Variants in PPP1R37 observed in about 807,000 individuals in gnomAD.
The protein encoded by PPP1R37 is protein phosphatase 1 regulatory subunit 37, also known as leucine rich repeat containing 68.
In PPP1R37, 21 loss-of-function variants were observed where a neutral mutation model predicts 61.0. That is an observed-to-expected ratio of 0.34 (90% CI 0.24 to 0.50). The LOEUF (loss-of-function observed/expected upper bound fraction) is 0.50. Ranked by LOEUF, PPP1R37 falls within the 20% of genes least tolerant of loss-of-function variation. The pLI, the probability that PPP1R37 is intolerant of heterozygous loss-of-function variation, is 0.98. For missense variants in PPP1R37, 910 were observed against 952.7 expected (o/e 0.96, Z 0.59); for synonymous variants, 443 against 433.5 (o/e 1.02, Z -0.27).
intron 1 of PPP1R37, among the ~76,000 whole-genome samples, chr19:45,098,798 C>A (rs574790936): frequency 6.6e-6 from 1 of 152,232 alleles, no homozygotes; most frequent in South Asian, 2.1e-4. Flanking sequence ...AGAGAATCGG[C>A]TTGCTTCAGC....
At chr19:45,143,482 C>G in intron 7 of PPP1R37, 39 bp from the exon 8 acceptor site, 1 of 1,315,774 alleles carries the variant, frequency 7.6e-7, no homozygotes, top group Non-Finnish European at 1.1e-6. Context: ...AGGAAGCACC[C>G]GGACCCCAGA....
chr19:45,106,382 T>C (rs111815828), intron 1 of PPP1R37, among the ~76,000 whole-genome samples: 21,692 of 151,720 alleles, frequency 0.14, 1,722 homozygotes, highest in Non-Finnish European at 0.17. Context: ...GCTGGGATTA[T>C]AGGCATGCGC....
chr19:45,138,124 AAAAC>A (rs1968561764), intron 1 of PPP1R37, among the ~76,000 whole-genome samples: 1 of 152,192 alleles, frequency 6.6e-6, no homozygotes, highest in Non-Finnish European at 1.5e-5. Flanking sequence ...CCCTGTCTCA[AAAAC>A]AAACAAAACA....
intron 8 of PPP1R37, 186 bp downstream of exon 8, chr19:45,143,819 C>G (rs899679134): frequency 4.4e-5 from 22 of 499,008 alleles, no homozygotes; most frequent in Non-Finnish European, 4.3e-5. Flanking sequence ...TGAGGAGGAG[C>G]CCTTCTTTCA....
At chr19:45,097,437 G>A (rs1437600949) in intron 1 of PPP1R37, among the ~76,000 whole-genome samples, 2 of 151,914 alleles carry the variant, frequency 1.3e-5, no homozygotes, top group African/African-American at 4.8e-5. Flanking sequence ...AGCACTGGGG[G>A]CACCCCAGTG....
intron 1 of PPP1R37, among the ~76,000 whole-genome samples, chr19:45,136,606 A>G (rs1205855448): frequency 6.6e-6 from 1 of 152,124 alleles, no homozygotes; most frequent in East Asian, 1.9e-4. Flanking sequence ...TCTGTCTGCA[A>G]GAGGGGCACC....
At chr19:45,094,448 C>T (rs530513153) in intron 1 of PPP1R37, among the ~76,000 whole-genome samples, 1 of 151,644 alleles carries the variant, frequency 6.6e-6, no homozygotes, top group South Asian at 2.1e-4. Flanking sequence ...GGGGGATGGC[C>T]GGGTGCATTG....
intron 1 of PPP1R37, among the ~76,000 whole-genome samples, chr19:45,102,390 C>T (rs545309003): frequency 6.6e-6 from 1 of 152,340 alleles, no homozygotes; most frequent in Admixed American, 6.5e-5. Flanking sequence ...CCCAGCTCTG[C>T]CCTTGGGCAA....
At position 45,145,730 on chromosome 19, in the gene PPP1R37, C is replaced by T. The variant is rs915122663; in HGVS notation, c.1674C>T (p.Ser558=). The change falls in exon 11 of 13, where the codon TCC becomes TCT. Residue 558 remains serine, a synonymous_variant. Transcript: ENST00000221462. ...CCACACCCACCGAGCAGCGGATTTC[C>T]GTGTCCAGCCCGGGCCGGGGCCACA... The part of the protein sequence containing the change: ...SPSTPTEQRI[S]VSSPGRGHKV... 27 of 1,532,678 alleles carry T rather than the reference C, an allele frequency of 1.8e-5. No homozygotes were observed. The highest frequency in any genetic ancestry group is 7.3e-5 in the East Asian group (3 of 40,880). The allele number at this position is 1,532,678 out of a possible 1,614,324, so 94.9% of individuals were successfully genotyped here. A position where few individuals can be genotyped will look rare whatever the true frequency, so the allele number is the denominator to read the frequency against.
intron 1 of PPP1R37, among the ~76,000 whole-genome samples, chr19:45,120,041 G>A (rs1417265352): frequency 2.0e-5 from 2 of 101,884 alleles, no homozygotes; most frequent in East Asian, 2.4e-4. Flanking sequence ...TTTTTGAGAT[G>A]GAGTCTCACT....
At chr19:45,107,154 T>C (rs1219990172) in intron 1 of PPP1R37, among the ~76,000 whole-genome samples, 1 of 152,004 alleles carries the variant, frequency 6.6e-6, no homozygotes, top group Non-Finnish European at 1.5e-5. Context: ...TGAACACTTG[T>C]GTATCTTCTT....
At chr19:45,139,576 G>A (rs192544379) in intron 2 of PPP1R37, among the ~76,000 whole-genome samples, 1 of 152,306 alleles carries the variant, frequency 6.6e-6, no homozygotes, top group African/African-American at 2.4e-5. Flanking sequence ...CAGCTGTGCT[G>A]GAAGCAACCA....
intron 1 of PPP1R37, among the ~76,000 whole-genome samples, chr19:45,095,868 C>T (rs1268984844): frequency 2.0e-5 from 3 of 152,056 alleles, no homozygotes; most frequent in Admixed American, 6.5e-5. Flanking sequence ...GTCAGAATGC[C>T]CCCTGGCTAT....
chr19:45,099,117 C>G (rs1038022815), intron 1 of PPP1R37, among the ~76,000 whole-genome samples: 8 of 152,140 alleles, frequency 5.3e-5, no homozygotes, highest in Non-Finnish European at 1.2e-4. Context: ...TCCTCTGCCC[C>G]CACCTATAGC....
intron 1 of PPP1R37, among the ~76,000 whole-genome samples, chr19:45,105,823 C>T (rs758594198): frequency 9.2e-5 from 14 of 152,206 alleles, no homozygotes; most frequent in Non-Finnish European, 1.5e-4. Context: ...GGGGCTTTCT[C>T]GGTCCCTGCT....
rs1202177230 is a variant in PPP1R37, at chr19:45,116,635, G to A, written c.203-21879G>A. On this transcript the variant is annotated intron_variant, in intron 1 of 12. Coordinates refer to ENST00000221462, the MANE Select transcript of PPP1R37 (RefSeq NM_019121.2). The stretch of plus-strand genomic sequence containing the variant: ...TTGCGGGCTCCCTTCCCTCCAGCCC[G>A]TGGTTCTCTGGGGAGAAGGGAAGGG... 3.9e-5 allele frequency among the ~76,000 whole-genome samples: 6 copies of A among 152,220 alleles called. No homozygotes were observed. The East Asian group carries it at 5.8e-4, about 15-fold the overall frequency.
Position 45,138,586 on chromosome 19 carries a change from T to A in PPP1R37, c.275T>A (p.Ile92Asn). Reference sequence around the variant, plus strand: ...TGCCAGAAGCTGAACTGCAGGCAGATCCCCAAGCTCCTCAGGCAGCTGCAG... The same window carrying A: ...TGCCAGAAGCTGAACTGCAGGCAGAACCCCAAGCTCCTCAGGCAGCTGCAG... ...QACQKLNCRQ[I>N]PKLLRQLQEF... Residue 92 changes from isoleucine to asparagine, a missense_variant, in exon 2 of 13, where the codon ATC becomes AAC. Physicochemically the swap from Ile to Asn is moderately radical, Grantham distance 149. This residue lies in a region of PPP1R37 where 280 missense variants were observed against 382.2 expected (regional missense o/e 0.73). Transcript: ENST00000221462. 2.6e-6 allele frequency: 3 copies of A among 1,158,550 alleles called. No individual in the cohort carries two copies. 71.8% of individuals were successfully genotyped at this position (1,158,550 alleles called of 1,614,324 possible). A position where few individuals can be genotyped will look rare whatever the true frequency, so the allele number is the denominator to read the frequency against.
chr19:45,120,302 C>T (rs774540304), intron 1 of PPP1R37, among the ~76,000 whole-genome samples: 1 of 152,192 alleles, frequency 6.6e-6, no homozygotes, highest in Non-Finnish European at 1.5e-5. Context: ...GAGGCGTGAG[C>T]CACCGCACCC....
rs770334966 is a variant in PPP1R37 at position 45,145,666 on chromosome 19, C to T, written c.1610C>T (p.Ser537Phe). The change falls in exon 11 of 13, where the codon TCC (serine) becomes TTC (phenylalanine). Residue 537 changes from serine to phenylalanine, a missense_variant. Physicochemically the swap from Ser to Phe is radical, Grantham distance 155. Coordinates refer to ENST00000221462, the MANE Select transcript of PPP1R37 (RefSeq NM_019121.2). ...PCPALVPPTD[S>F]LGPGDRSPPG... ...CCTGCCCTGGTGCCCCCCACGGACT[C>T]CCTGGGCCCTGGGGACAGGAGTCCC... 8.5e-6 allele frequency: 13 copies of T among 1,535,160 alleles called. No homozygotes were observed. Among genetic ancestry groups the T allele is most frequent in the Non-Finnish European group, 9.6e-6 (11 of 1,146,518 alleles).
Sources: gnomAD v4.1 joint callset for allele counts (sites outside exome capture counted in the v4.1 genomes callset) on GRCh38, gnomAD v4.1.1 for gene constraint, gnomAD v4.1.1 regional missense constraint, MANE v1.5 for transcripts, NCBI Gene and HGNC (gene_info 2026-07-23, HGNC 2026-07-21) for gene names.